The following BMPR1B variants were observed in gnomAD, a reference collection of about 807,000 sequenced individuals.
BMPR1B encodes bone morphogenetic protein receptor type 1B, also known as bone morphogenetic protein receptor type-1B.
A neutral mutation model predicts 59.1 loss-of-function variants in BMPR1B; 12 were observed. The observed-to-expected ratio is 0.20, with a 90% CI of 0.13 to 0.33. The LOEUF (loss-of-function observed/expected upper bound fraction) is 0.33, where lower values mean the gene tolerates loss of function less well. BMPR1B is among the 10% of genes least tolerant of loss of function. The pLI, the probability that BMPR1B is intolerant of heterozygous loss-of-function variation, is 1.00. For synonymous variants in BMPR1B, 237 were observed against 207.3 expected, an observed-to-expected ratio of 1.14 and a Z score of -1.23; for missense variants, 550 against 610.9, an observed-to-expected ratio of 0.90 and a Z score of 1.05.
intron 10 of BMPR1B, among the ~76,000 whole-genome samples, chr4:95,144,515 A>G (rs1734499138): frequency 6.6e-6 from 1 of 151,840 alleles, no homozygotes; most frequent in Admixed American, 6.6e-5. Flanking sequence ...TTGAAGCATG[A>G]TTTGAAAACT....
rs187673812 is a variant in BMPR1B at position 94,986,763 on chromosome 4, C to T, written c.-112-9277C>T. ...TTTTGATTAAAAATATAAAATGGTC[C>T]GGGCGCAGTGGCTCACGCCTGTAAC... is the stretch of plus-strand genomic sequence containing the variant. On this transcript the variant is annotated intron_variant, in intron 2 of 12. Coordinates refer to ENST00000515059, the MANE Select transcript of BMPR1B (RefSeq NM_001203.3). Among the ~76,000 whole-genome samples the T allele has an allele frequency of 2.2e-3, 330 of 151,900 alleles. 1 individual carries two copies. Among genetic ancestry groups the T allele is most frequent in the African/African-American group, 7.2e-3 (297 of 41,446 alleles).
chr4:95,096,036 TTTG>T (rs1298084955), intron 3 of BMPR1B, among the ~76,000 whole-genome samples: 1 of 69,284 alleles, frequency 1.4e-5, no homozygotes, highest in African/African-American at 4.8e-5. Flanking sequence ...ACATTTTACT[TTTG>T]TTCTGCATTT....
intron 2 of BMPR1B, among the ~76,000 whole-genome samples, chr4:94,885,689 A>C (rs1270073323): frequency 6.6e-6 from 1 of 152,172 alleles, no homozygotes; most frequent in Non-Finnish European, 1.5e-5. Flanking sequence ...AAATATTTTG[A>C]AAAAAATCAT....
chr4:94,813,004 T>G (rs866625748), intron 1 of BMPR1B, among the ~76,000 whole-genome samples: 1 of 152,252 alleles, frequency 6.6e-6, no homozygotes, highest in African/African-American at 2.4e-5. Context: ...GCTTTTTTTT[T>G]TTTTCTGGCT....
At chr4:95,028,542 T>C (rs1289724012) in intron 3 of BMPR1B, among the ~76,000 whole-genome samples, 2 of 152,144 alleles carry the variant, frequency 1.3e-5, no homozygotes, top group Non-Finnish European at 2.9e-5. Context: ...CAGGAGAAAC[T>C]TTAATTATGA....
chr4:95,138,959 G>A (rs1734011546), intron 10 of BMPR1B, among the ~76,000 whole-genome samples: 1 of 152,182 alleles, frequency 6.6e-6, no homozygotes, highest in African/African-American at 2.4e-5. Context: ...TTGCTGGTGA[G>A]GAGCTCCCTT....
intron 3 of BMPR1B, among the ~76,000 whole-genome samples, chr4:95,006,317 G>A (rs539026103): frequency 6.6e-6 from 1 of 151,336 alleles, no homozygotes; most frequent in African/African-American, 2.4e-5. Flanking sequence ...GGCTGAGGCG[G>A]GTGGATCATG....
intron 1 of BMPR1B, among the ~76,000 whole-genome samples, chr4:94,786,275 C>T (rs1722760484): frequency 6.6e-6 from 1 of 151,878 alleles, no homozygotes; most frequent in East Asian, 1.9e-4. Context: ...ATGGAAATGT[C>T]AGAGCTTCTT....
intron 2 of BMPR1B, among the ~76,000 whole-genome samples, chr4:94,883,302 A>G (rs1727052487): frequency 6.6e-6 from 1 of 152,172 alleles, no homozygotes; most frequent in Admixed American, 6.5e-5. Context: ...CCATAGCTTT[A>G]TCAGAGTCTC....
intron 3 of BMPR1B, among the ~76,000 whole-genome samples, chr4:95,000,698 G>A (rs1194773167): frequency 6.6e-6 from 1 of 151,956 alleles, no homozygotes; most frequent in Non-Finnish European, 1.5e-5. Context: ...TAGCCAGTGA[G>A]GAGGGAAACC....
intron 1 of BMPR1B, among the ~76,000 whole-genome samples, chr4:94,813,898 G>C (rs113164008): frequency 1.3e-3 from 194 of 152,238 alleles, no homozygotes; most frequent in Admixed American, 2.8e-3. Context: ...CTGGAAGAAG[G>C]AAACAATATC....
At chr4:95,051,869 G>T (rs1726530600) in intron 3 of BMPR1B, 2 of 1,232,626 alleles carry the variant, frequency 1.6e-6, no homozygotes, top group African/African-American at 1.5e-5. Context: ...CAGGCCAGAA[G>T]TTCAATGTCT....
intron 10 of BMPR1B, among the ~76,000 whole-genome samples, chr4:95,133,350 T>A (rs1262534164): frequency 6.6e-6 from 1 of 152,154 alleles, no homozygotes. Context: ...GTAGTTAGAG[T>A]CCCTTGGTGC....
At chr4:95,042,711 G>C (rs1422533865) in intron 3 of BMPR1B, among the ~76,000 whole-genome samples, 2 of 152,112 alleles carry the variant, frequency 1.3e-5, no homozygotes, top group Non-Finnish European at 2.9e-5. Context: ...TTGTCATCAT[G>C]ATCCTAGCTG....
chr4:94,827,454 C>G (rs1447181251), intron 1 of BMPR1B, among the ~76,000 whole-genome samples: 1 of 151,906 alleles, frequency 6.6e-6, no homozygotes, highest in Admixed American at 6.6e-5. Flanking sequence ...TGGTTTTGTG[C>G]TGTTTGCACA....
At chr4:94,997,532 A>G (rs1229301515) in intron 3 of BMPR1B, among the ~76,000 whole-genome samples, 1 of 152,222 alleles carries the variant, frequency 6.6e-6, no homozygotes, top group Admixed American at 6.5e-5. Context: ...AATTAATTTT[A>G]TTACTTCAGA....
At chr4:94,794,624 C>G (rs1430565937) in intron 1 of BMPR1B, among the ~76,000 whole-genome samples, 4 of 148,632 alleles carry the variant, frequency 2.7e-5, no homozygotes, top group Non-Finnish European at 5.9e-5. Context: ...TGGCCACTTT[C>G]ACGATATTGA....
intron 1 of BMPR1B, among the ~76,000 whole-genome samples, chr4:94,761,471 G>T (rs1721768159): frequency 6.6e-6 from 1 of 150,744 alleles, no homozygotes; most frequent in Non-Finnish European, 1.5e-5. Flanking sequence ...GTTGAAGGGG[G>T]TTAGGGAGAA....
At chr4:95,113,751 A>G (rs1479969072) in intron 4 of BMPR1B, among the ~76,000 whole-genome samples, 3 of 152,164 alleles carry the variant, frequency 2.0e-5, no homozygotes, top group Non-Finnish European at 2.9e-5. Flanking sequence ...CCCAAAGGGC[A>G]TAGCAGAAAA....
Sources: allele counts gnomAD v4.1 joint callset (sites outside exome capture counted in the v4.1 genomes callset), GRCh38; gene constraint gnomAD v4.1.1; transcripts MANE v1.5; gene names NCBI Gene and HGNC (gene_info 2026-07-23, HGNC 2026-07-21).